Variants in SCAMP1 observed in about 807,000 individuals in gnomAD.
SCAMP1 encodes secretory carrier-associated membrane protein 1.
In SCAMP1, 15 loss-of-function variants were observed where a neutral mutation model predicts 41.8. The ratio of observed to expected loss-of-function variants is 0.36; its 90% CI spans 0.24 to 0.55. SCAMP1 has a LOEUF of 0.55. SCAMP1 is among the 20% of genes least tolerant of loss of function. The pLI is 0.86. For synonymous variants in SCAMP1, 135 were observed against 136.8 expected, an observed-to-expected ratio of 0.99 and a Z score of 0.09; for missense variants, 341 against 412.6, an observed-to-expected ratio of 0.83 and a Z score of 1.50.
chr5:78,411,350 A>T (rs1752070085), intron 2 of SCAMP1, among the ~76,000 whole-genome samples: 2 of 152,136 alleles, frequency 1.3e-5, no homozygotes, highest in African/African-American at 4.8e-5. Flanking sequence ...CATTAATAAG[A>T]GATACTGGGT....
intron 5 of SCAMP1, among the ~76,000 whole-genome samples, chr5:78,419,613 T>G (rs1319378923): frequency 6.6e-6 from 1 of 152,194 alleles, no homozygotes; most frequent in African/African-American, 2.4e-5. Context: ...CTCATTTTGA[T>G]ACCCTGTCAG....
intron 1 of SCAMP1, among the ~76,000 whole-genome samples, chr5:78,375,914 A>G (rs185212260): frequency 6.6e-6 from 1 of 152,236 alleles, no homozygotes; most frequent in African/African-American, 2.4e-5. Flanking sequence ...TCTAGTAGCC[A>G]TATTAGAAAA....
chr5:78,419,476 A>G (rs6875728), intron 5 of SCAMP1, among the ~76,000 whole-genome samples: 41,440 of 152,076 alleles, frequency 0.27, 5,946 homozygotes, highest in East Asian at 0.54. Flanking sequence ...TGATGCTTAC[A>G]TCACTTTGAG....
intron 5 of SCAMP1, among the ~76,000 whole-genome samples, chr5:78,420,163 C>G (rs1211126482): frequency 2.6e-5 from 4 of 152,178 alleles, no homozygotes; most frequent in Non-Finnish European, 5.9e-5. Context: ...TCAAGTGATT[C>G]TCGTGCCTCA....
At chr5:78,460,499 T>G (rs1580714749) in intron 8 of SCAMP1, among the ~76,000 whole-genome samples, 1 of 152,124 alleles carries the variant, frequency 6.6e-6, no homozygotes, top group East Asian at 1.9e-4. Flanking sequence ...ATTTCTCTGA[T>G]TGGTGATGTT....
chr5:78,459,184 A>T, intron 7 of SCAMP1, 61 bp from the exon 8 acceptor site: 1 of 772,678 alleles, frequency 1.3e-6, no homozygotes, highest in Admixed American at 2.0e-5. Flanking sequence ...GTTAGATATT[A>T]TGCTATTTTT....
intron 1 of SCAMP1, 153 bp downstream of exon 1, chr5:78,360,881 C>T: frequency 1.4e-6 from 1 of 712,434 alleles, no homozygotes; most frequent in East Asian, 3.0e-5. Flanking sequence ...GGGGTCGCGC[C>T]CCGGCCCCGT....
chr5:78,364,666 A>G (rs1750748266), intron 1 of SCAMP1, among the ~76,000 whole-genome samples: 1 of 152,084 alleles, frequency 6.6e-6, no homozygotes, highest in Non-Finnish European at 1.5e-5. Context: ...AGTTGAGGGG[A>G]GGCAGCAGAG....
chr5:78,377,296 C>G (rs528089212), intron 1 of SCAMP1, among the ~76,000 whole-genome samples: 2 of 152,140 alleles, frequency 1.3e-5, no homozygotes, highest in African/African-American at 4.8e-5. Flanking sequence ...TCTCTGCTCC[C>G]TTTTCTGGCC....
Position 78,360,693 on chromosome 5 carries a change from C to T in SCAMP1, c.22C>T (p.Pro8Ser). 6.2e-7 allele frequency: 1 copy of T among 1,610,990 alleles called. No individual in the cohort carries two copies. The highest frequency in any genetic ancestry group is 8.5e-7 in the Non-Finnish European group (1 of 1,178,782). The change falls in exon 1 of 9, where the codon CCG becomes TCG. Residue 8 changes from proline (P) to serine (S), a missense_variant. Coordinates refer to ENST00000621999, the MANE Select transcript of SCAMP1 (RefSeq NM_004866.6). ...AGAGATGTCGGATTTCGACAGTAAC[C>T]CGTTTGCCGACCCGGATCTCAACAA... MSDFDSNPFADPDLNNPF... is the reference protein window; with the variant it reads MSDFDSNSFADPDLNNPF...
intron 8 of SCAMP1, among the ~76,000 whole-genome samples, chr5:78,473,534 T>C (rs1387276341): frequency 6.6e-6 from 1 of 152,162 alleles, no homozygotes; most frequent in Non-Finnish European, 1.5e-5. Flanking sequence ...GGGTATATTA[T>C]GTGATACTGA....
chr5:78,452,374 T>C (rs1313548038), intron 7 of SCAMP1, among the ~76,000 whole-genome samples: 1 of 127,744 alleles, frequency 7.8e-6, no homozygotes, highest in Non-Finnish European at 1.6e-5. Context: ...GAGTGTGATA[T>C]TCCCCTTCCT....
At chr5:78,360,832 G>A (rs923350491) in intron 1 of SCAMP1, 104 bp downstream of exon 1, 8 of 1,193,128 alleles carry the variant, frequency 6.7e-6, no homozygotes, top group African/African-American at 3.1e-5. Flanking sequence ...GCTCCCCTTA[G>A]CAGCCCAGAG....
At chr5:78,438,283 C>G (rs1580695437) in intron 6 of SCAMP1, among the ~76,000 whole-genome samples, 2 of 152,280 alleles carry the variant, frequency 1.3e-5, no homozygotes, top group African/African-American at 2.4e-5. Context: ...TCTTGCTTCT[C>G]TAGTTCTTTT....
At chr5:78,363,392 G>A (rs1750711854) in intron 1 of SCAMP1, among the ~76,000 whole-genome samples, 1 of 151,458 alleles carries the variant, frequency 6.6e-6, no homozygotes, top group African/African-American at 2.4e-5. Flanking sequence ...TGTATTTTTA[G>A]TAGAGACGGG....
At chr5:78,388,978 G>T in intron 2 of SCAMP1, 64 bp downstream of exon 2, 2 of 842,354 alleles carry the variant, frequency 2.4e-6, no homozygotes, top group South Asian at 3.5e-5. Context: ...TTTTAACTAT[G>T]ATTTCTTTTT....
intron 2 of SCAMP1, among the ~76,000 whole-genome samples, chr5:78,413,763 G>A (rs894854472): frequency 6.6e-6 from 1 of 152,144 alleles, no homozygotes; most frequent in Admixed American, 6.6e-5. Context: ...CTGAACTACA[G>A]TTATATCTTT....
At chr5:78,433,068 C>T (rs1190675358) in intron 6 of SCAMP1, among the ~76,000 whole-genome samples, 1 of 152,048 alleles carries the variant, frequency 6.6e-6, no homozygotes, top group Non-Finnish European at 1.5e-5. Flanking sequence ...TCATTTCTAC[C>T]ATATCCATTT....
At position 78,469,544 on chromosome 5, in the gene SCAMP1, T is replaced by C. The variant is rs571408074; in HGVS notation, c.853-5960T>C. On this transcript the variant is annotated intron_variant, in intron 8 of 8. Coordinates refer to ENST00000621999, the MANE Select transcript of SCAMP1 (RefSeq NM_004866.6). ...TTCAATAAGTACTAAGCTAGCTACT[T>C]AATAGATCCCAAATCTAGGTTACTA... 4.6e-5 allele frequency among the ~76,000 whole-genome samples: 7 copies of C among 152,162 alleles called. No individual in the cohort carries two copies. The South Asian group carries it at 1.4e-3, about 32-fold the overall frequency.
Sources: gnomAD v4.1 joint callset for allele counts (sites outside exome capture counted in the v4.1 genomes callset) on GRCh38, gnomAD v4.1.1 for gene constraint, MANE v1.5 for transcripts, NCBI Gene and HGNC (gene_info 2026-07-23, HGNC 2026-07-21) for gene names.